SYCP1: variants seen among roughly 807,000 people sequenced by gnomAD.
The protein encoded by SYCP1 is synaptonemal complex protein 1, also known as cancer/testis antigen 8.
In SYCP1, 64 loss-of-function variants were observed where a neutral mutation model predicts 153.1. The observed-to-expected ratio is 0.42, with a 90% CI of 0.34 to 0.51. The LOEUF (loss-of-function observed/expected upper bound fraction) is 0.51. Ranked by LOEUF, SYCP1 falls within the 20% of genes least tolerant of loss-of-function variation. The pLI, the probability that SYCP1 is intolerant of heterozygous loss-of-function variation, is 0.06. For missense variants in SYCP1, 997 were observed against 1,049.0 expected, an observed-to-expected ratio of 0.95 and a Z score of 0.68; for synonymous variants, 384 against 341.8, an observed-to-expected ratio of 1.12 and a Z score of -1.36.
At chr1:114,968,310 T>C (rs1466153037) in intron 27 of SYCP1, among the ~76,000 whole-genome samples, 1 of 152,230 alleles carries the variant, frequency 6.6e-6, no homozygotes, top group Non-Finnish European at 1.5e-5. Context: ...CACTTTCAGG[T>C]ACACCAATCA....
chr1:114,873,045 T>A (rs1485620769), intron 8 of SYCP1, among the ~76,000 whole-genome samples: 1 of 150,430 alleles, frequency 6.6e-6, no homozygotes. Context: ...AAATTGCTTA[T>A]CTATTCTTGC....
At chr1:114,884,472 T>A (rs1387730733) in intron 12 of SYCP1, among the ~76,000 whole-genome samples, 2 of 152,218 alleles carry the variant, frequency 1.3e-5, no homozygotes, top group Admixed American at 6.5e-5. Flanking sequence ...CCTTGACTGA[T>A]CTTATTTGGC....
intron 8 of SYCP1, among the ~76,000 whole-genome samples, chr1:114,862,225 A>T (rs1377851941): frequency 1.3e-5 from 2 of 152,156 alleles, no homozygotes; most frequent in African/African-American, 4.8e-5. Flanking sequence ...TTCAAGATTA[A>T]TTTTTCTGCC....
At chr1:114,965,357 C>G (rs930795534) in intron 27 of SYCP1, among the ~76,000 whole-genome samples, 2 of 152,120 alleles carry the variant, frequency 1.3e-5, no homozygotes, top group Non-Finnish European at 2.9e-5. Flanking sequence ...ATTTGTTTCT[C>G]TTACCTGATT....
intron 8 of SYCP1, among the ~76,000 whole-genome samples, chr1:114,862,071 G>C (rs1664418720): frequency 6.6e-6 from 1 of 151,918 alleles, no homozygotes; most frequent in Non-Finnish European, 1.5e-5. Flanking sequence ...AAAATGCTGG[G>C]ATTACAGGCA....
In SYCP1 at chr1:114,862,064, A is replaced by T. The variant is rs192740387; in HGVS notation, c.598+1255A>T. Among the ~76,000 whole-genome samples, 792 of 151,836 alleles carry T rather than the reference A, an allele frequency of 5.2e-3. 6 individuals carry two copies. Among genetic ancestry groups the T allele is most frequent in the African/African-American group, 0.018 (766 of 41,422 alleles). ...GATCCTCCCACCTCAGCCTCTCAAA[A>T]TGCTGGGATTACAGGCATGAGCCAC... On this transcript the variant is annotated intron_variant, in intron 8 of 31. Transcript: ENST00000369522.
chr1:114,946,444 A>T (rs1670714309), intron 26 of SYCP1, 63 bp downstream of exon 26: 2 of 992,506 alleles, frequency 2.0e-6, no homozygotes, highest in Non-Finnish European at 3.0e-6. Flanking sequence ...GACTGGTGGT[A>T]AAGAATAATA....
At chr1:114,983,480 C>T (rs919141277) in intron 29 of SYCP1, among the ~76,000 whole-genome samples, 4 of 151,902 alleles carry the variant, frequency 2.6e-5, no homozygotes, top group Non-Finnish European at 5.9e-5. Context: ...AGCTATCAGC[C>T]TTGTAAGTGG....
intron 27 of SYCP1, among the ~76,000 whole-genome samples, chr1:114,964,719 T>A (rs1464691221): frequency 6.6e-6 from 1 of 152,188 alleles, no homozygotes; most frequent in Non-Finnish European, 1.5e-5. Context: ...GGCTCTGTTC[T>A]GTTCCATCCT....
intron 29 of SYCP1, among the ~76,000 whole-genome samples, chr1:114,982,325 G>A (rs935177383): frequency 2.0e-5 from 3 of 151,908 alleles, no homozygotes; most frequent in African/African-American, 7.2e-5. Flanking sequence ...ATCCCACTAA[G>A]TTTAAATGTT....
intron 21 of SYCP1, among the ~76,000 whole-genome samples, chr1:114,924,021 TTTGA>T (rs1477863912): frequency 5.3e-5 from 8 of 152,198 alleles, no homozygotes; most frequent in Non-Finnish European, 8.8e-5. Context: ...TTTTGAGGTC[TTTGA>T]TTGTGTTTTT....
At chr1:114,990,206 A>C (rs1188073883) in intron 30 of SYCP1, among the ~76,000 whole-genome samples, 2 of 151,956 alleles carry the variant, frequency 1.3e-5, no homozygotes, top group African/African-American at 2.4e-5. Context: ...GAATATTTAC[A>C]AATTTGTGGA....
intron 16 of SYCP1, among the ~76,000 whole-genome samples, chr1:114,901,424 C>G (rs780481781): frequency 6.6e-6 from 1 of 152,196 alleles, no homozygotes; most frequent in Admixed American, 6.5e-5. Context: ...GCTACCAATA[C>G]TTCTGGCTTT....
At chr1:114,963,476 C>A (rs1446183169) in intron 27 of SYCP1, among the ~76,000 whole-genome samples, 1 of 152,072 alleles carries the variant, frequency 6.6e-6, no homozygotes, top group Admixed American at 6.6e-5. Context: ...CTGCACTCAC[C>A]AATCTATCAT....
At chr1:114,961,219 C>T (rs1023512915) in intron 27 of SYCP1, among the ~76,000 whole-genome samples, 3 of 152,074 alleles carry the variant, frequency 2.0e-5, no homozygotes, top group Non-Finnish European at 4.4e-5. Context: ...TCTGATTGAG[C>T]TTATTTGAAT....
chr1:114,974,418 T>C lies in SYCP1; in HGVS notation c.2323-3139T>C, dbSNP rs78148344. Among the ~76,000 whole-genome samples, 259 of 152,058 alleles carry C rather than the reference T, an allele frequency of 1.7e-3. 1 individual carries two copies. Among genetic ancestry groups the C allele is most frequent in the African/African-American group, 5.8e-3 (241 of 41,564 alleles). ...ATGTACAGTTCAGCAGTGTTAAGTA[T>C]ATTCATCCTGTTGTGCAACAGATCT... On this transcript the variant is annotated intron_variant, in intron 27 of 31. Transcript: ENST00000369522.
chr1:114,857,194 G>A (rs756752616), intron 3 of SYCP1, 38 bp from the exon 4 acceptor site: 126 of 982,676 alleles, frequency 1.3e-4, no homozygotes, highest in South Asian at 1.7e-4. Flanking sequence ...AGAAAAAGAT[G>A]TTGGCGTATT....
At chr1:114,988,133 G>C (rs193255863) in intron 30 of SYCP1, among the ~76,000 whole-genome samples, 2 of 149,782 alleles carry the variant, frequency 1.3e-5, no homozygotes, top group Non-Finnish European at 3.0e-5. Context: ...CAGAGCCTCA[G>C]AGTCTTGTAG....
chr1:114,912,960 T>C (rs1310507487), intron 18 of SYCP1, 73 bp from the exon 19 acceptor site: 2 of 1,026,718 alleles, frequency 1.9e-6, no homozygotes, highest in East Asian at 2.5e-5. Context: ...CCTATCATTA[T>C]GTTGAATAAA....
Sources: gnomAD v4.1 joint callset for allele counts (sites outside exome capture counted in the v4.1 genomes callset) on GRCh38, gnomAD v4.1.1 for gene constraint, MANE v1.5 for transcripts, NCBI Gene and HGNC (gene_info 2026-07-23, HGNC 2026-07-21) for gene names.